The following DMXL2 variants were observed in gnomAD, a reference collection of about 807,000 sequenced individuals.
The protein encoded by DMXL2 is dmX-like protein 2.
Under a neutral mutation model 331.1 loss-of-function variants are expected in DMXL2, and 103 were observed. The ratio of observed to expected loss-of-function variants is 0.31; its 90% CI spans 0.27 to 0.37. The LOEUF is 0.37. Among genes scored for constraint, DMXL2 ranks in the 10% least tolerant of loss-of-function variants. The probability of loss-of-function intolerance (pLI) is 1.00; values close to 1 mark genes in which losing one functional copy is unlikely to be tolerated. For missense variants in DMXL2, 3,171 were observed against 3,642.9 expected (o/e 0.87, Z 3.33); for synonymous variants, 1,281 against 1,252.1 (o/e 1.02, Z -0.49).
intron 1 of DMXL2, among the ~76,000 whole-genome samples, chr15:51,609,430 C>T (rs2053808079): frequency 6.6e-6 from 1 of 152,160 alleles, no homozygotes; most frequent in African/African-American, 2.4e-5. Context: ...CTACAATGGA[C>T]CACACATAAA....
At chr15:51,510,045 T>A (rs1053007009) in intron 15 of DMXL2, among the ~76,000 whole-genome samples, 37 of 152,158 alleles carry the variant, frequency 2.4e-4, no homozygotes, top group African/African-American at 8.7e-4. Context: ...TACGTATTAA[T>A]GAAACTTATC....
chr15:51,463,657 A>G (rs558352522), intron 32 of DMXL2, among the ~76,000 whole-genome samples, 161 bp from the exon 33 acceptor site: 1 of 152,306 alleles, frequency 6.6e-6, no homozygotes, highest in East Asian at 1.9e-4. Context: ...AAGCTCAACA[A>G]AACTGTACAG....
At chr15:51,466,388 A>G (rs1465663106) in intron 29 of DMXL2, 77 bp from the exon 30 acceptor site, 4 of 463,826 alleles carry the variant, frequency 8.6e-6, no homozygotes, top group Non-Finnish European at 1.2e-5. Context: ...TATAACATGT[A>G]TTATATATTT....
rs767082910 is a variant in DMXL2, at chr15:51,538,287, T to C, written c.1271A>G (p.Asp424Gly). 18 of 1,613,812 alleles carry C rather than the reference T, an allele frequency of 1.1e-5. No homozygotes were observed. In the South Asian group the frequency reaches 1.6e-4, roughly 15 times the overall value. Reference protein sequence around the residue: ...LSDKQVDHENDDADREDEEHS... With the variant: ...LSDKQVDHENGDADREDEEHS... The stretch of plus-strand genomic sequence containing the variant: ...TTCCTCATCTTCTCTATCTGCATCA[T>C]CATTTTCATGATCTACCTGCTTATC... The change falls in exon 10 of 44, where the codon GAT becomes GGT. Residue 424 changes from aspartate (D) to glycine (G), a missense_variant. Around this residue, in one of 7 missense-constraint regions of DMXL2, gnomAD observed 1,674 missense variants for 1,780.2 expected, o/e 0.94. Coordinates refer to ENST00000560891, the MANE Select transcript of DMXL2 (RefSeq NM_001378457.1).
intron 18 of DMXL2, 60 bp from the exon 19 acceptor site, chr15:51,495,194 T>C: frequency 9.5e-7 from 1 of 1,052,364 alleles, no homozygotes. Flanking sequence ...CACAAACTGA[T>C]AAGCTATAAA....
intron 1 of DMXL2, among the ~76,000 whole-genome samples, chr15:51,622,258 G>A (rs190579734): frequency 6.6e-6 from 1 of 152,222 alleles, no homozygotes; most frequent in East Asian, 1.9e-4. Context: ...TTCCCCTAAC[G>A]GGTGATTTCC....
chr15:51,516,125 T>G (rs1229487491), intron 14 of DMXL2, among the ~76,000 whole-genome samples: 2 of 152,342 alleles, frequency 1.3e-5, no homozygotes, highest in East Asian at 3.9e-4. Flanking sequence ...CAACTATAGT[T>G]GGCTCTTTCT....
At chr15:51,555,167 AT>A (rs1300711259) in intron 6 of DMXL2, among the ~76,000 whole-genome samples, 1 of 152,170 alleles carries the variant, frequency 6.6e-6, no homozygotes, top group East Asian at 1.9e-4. Flanking sequence ...CAAAAAAACA[AT>A]TTTTTAAATC....
rs767022632 is a variant in DMXL2, at chr15:51,514,604, CCT to C, written c.2527-47_2527-46del. ...TGAAGAGGTTTTATCTTTGAAATTCCCTGTCTCCCATCTCCCATCTGTCACCT... is the reference window on the plus strand; with the variant it reads ...TGAAGAGGTTTTATCTTTGAAATTCCGTCTCCCATCTCCCATCTGTCACCT... On this transcript the variant is annotated intron_variant, in intron 14 of 43. Transcript: ENST00000560891. The C allele has an allele frequency of 2.4e-6, 3 of 1,230,584 alleles. No individual in the cohort carries two copies. In the African/African-American group the frequency reaches 4.6e-5, roughly 19 times the overall value. 76.2% of individuals were successfully genotyped at this position (1,230,584 alleles called of 1,614,324 possible). A position where few individuals can be genotyped will look rare whatever the true frequency, so the allele number is the denominator to read the frequency against.
chr15:51,489,633 C>T (rs1306218941), intron 20 of DMXL2, among the ~76,000 whole-genome samples: 2 of 148,322 alleles, frequency 1.3e-5, no homozygotes, highest in Admixed American at 6.8e-5. Context: ...CCAGCCTGGG[C>T]GACAGTGCAA....
intron 34 of DMXL2, 69 bp downstream of exon 34, chr15:51,459,529 T>C: frequency 4.1e-6 from 5 of 1,234,278 alleles, no homozygotes; most frequent in South Asian, 1.3e-5. Flanking sequence ...TCATGGTTAG[T>C]ATCAGAGATG....
At position 51,622,765 on chromosome 15, in the gene DMXL2, C is replaced by A. The variant is rs930787977; in HGVS notation, c.-220G>T. ...CGCCGCCCGGGTCGCCGCTCAGCTG[C>A]GGAAATGCCCGGATGTTCCCACTGC... On this transcript the variant is annotated 5_prime_UTR_variant, in exon 1 of 44. Coordinates refer to ENST00000560891, the MANE Select transcript of DMXL2 (RefSeq NM_001378457.1). 1.2e-5 allele frequency: 9 copies of A among 771,318 alleles called. No homozygotes were observed. The Admixed American group carries it at 1.3e-4, about 11-fold the overall frequency. The allele number at this position is 771,318 out of a possible 1,614,324, so 47.8% of individuals were successfully genotyped here. A position where few individuals can be genotyped will look rare whatever the true frequency, so the allele number is the denominator to read the frequency against.
At chr15:51,575,584 GACTCTTC>G (rs1239863157) in intron 2 of DMXL2, among the ~76,000 whole-genome samples, 1 of 152,054 alleles carries the variant, frequency 6.6e-6, no homozygotes, top group Non-Finnish European at 1.5e-5. Flanking sequence ...TGAACCATAA[GACTCTTC>G]ACTCAACAAA....
intron 13 of DMXL2, among the ~76,000 whole-genome samples, chr15:51,532,614 G>A (rs2048066936): frequency 6.6e-6 from 1 of 152,018 alleles, no homozygotes; most frequent in Admixed American, 6.6e-5. Flanking sequence ...AGAATTGCAT[G>A]CCTATATCAA....
chr15:51,457,729 A>G (rs1192683682), intron 36 of DMXL2: 2 of 360,002 alleles, frequency 5.6e-6, no homozygotes, highest in Non-Finnish European at 1.0e-5. Context: ...GTTGTTATCT[A>G]TGGAAAAATA....
intron 39 of DMXL2, among the ~76,000 whole-genome samples, 161 bp from the exon 40 acceptor site, chr15:51,455,389 CCT>C (rs949938050): frequency 6.6e-5 from 10 of 152,086 alleles, no homozygotes; most frequent in African/African-American, 2.2e-4. Flanking sequence ...TAAAAAATTC[CCT>C]GTCACTTTTT....
Position 51,476,582 on chromosome 15 carries a change from T to C in DMXL2, c.6964+7A>G. ...GATTTTTTTTTTTTAATCATTTAAA[T>C]TCTCACCAGGCCATTGAGCAGGAGA... On this transcript the variant is annotated splice_region_variant and intron_variant, in intron 27 of 43. Transcript: ENST00000560891. 2.5e-6 allele frequency: 4 copies of C among 1,598,314 alleles called. No homozygotes were observed. The highest frequency in any genetic ancestry group is 3.4e-6 in the Non-Finnish European group (4 of 1,175,690).
At chr15:51,560,727 T>C (rs925214206) in intron 6 of DMXL2, among the ~76,000 whole-genome samples, 2 of 150,266 alleles carry the variant, frequency 1.3e-5, no homozygotes, top group Non-Finnish European at 3.0e-5. Context: ...AGTTCAGAAC[T>C]GTGGAAAACT....
chr15:51,621,870 G>A (rs555647026), intron 1 of DMXL2, among the ~76,000 whole-genome samples: 4 of 152,096 alleles, frequency 2.6e-5, no homozygotes, highest in East Asian at 3.9e-4. Context: ...AAATCTTTCG[G>A]GCGCGGAGGA....
Sources: allele counts gnomAD v4.1 joint callset (sites outside exome capture counted in the v4.1 genomes callset), GRCh38; gene constraint gnomAD v4.1.1; regional missense constraint gnomAD v4.1.1; transcripts MANE v1.5; gene names NCBI Gene and HGNC (gene_info 2026-07-23, HGNC 2026-07-21).